The following SYK variants were observed in gnomAD, a reference collection of about 807,000 sequenced individuals.
SYK encodes spleen associated tyrosine kinase.
SYK carries 16 observed loss-of-function variants against 77.8 expected under a neutral mutation model. The observed-to-expected ratio is 0.21, with a 90% confidence interval of 0.14 to 0.31. The LOEUF (loss-of-function observed/expected upper bound fraction) is 0.31. SYK is among the 10% of genes least tolerant of loss of function. SYK has a pLI of 1.00. For missense variants in SYK, 529 were observed against 814.4 expected (o/e 0.65, Z 4.26); for synonymous variants, 312 against 308.7 (o/e 1.01, Z -0.11).
At position 90,874,036 on chromosome 9, in the gene SYK, C is replaced by T. The variant is rs145334158; in HGVS notation, c.916-168C>T. Among the ~76,000 whole-genome samples, 446 of 152,188 alleles carry T rather than the reference C, an allele frequency of 2.9e-3. 6 individuals carry two copies. The highest frequency in any genetic ancestry group is 0.01 in the African/African-American group (430 of 41,502). Reference sequence around the variant, plus strand: ...CCCTTGCAAGATCCAAATAATTGCCCGAAGAATGAGATCAGCCTTATTTTC... The same window carrying T: ...CCCTTGCAAGATCCAAATAATTGCCTGAAGAATGAGATCAGCCTTATTTTC... On this transcript the variant is annotated intron_variant, in intron 7 of 13. Coordinates refer to ENST00000375754, the MANE Select transcript of SYK (RefSeq NM_003177.7).
chr9:90,841,039 AGTGT>A (rs897987636), intron 1 of SYK, among the ~76,000 whole-genome samples: 6 of 151,552 alleles, frequency 4.0e-5, no homozygotes, highest in African/African-American at 1.2e-4. Context: ...TTGTGTGTGT[AGTGT>A]GTATGTAGTG....
intron 13 of SYK, among the ~76,000 whole-genome samples, chr9:90,891,372 C>A (rs560761336): frequency 6.6e-6 from 1 of 152,006 alleles, no homozygotes; most frequent in Non-Finnish European, 1.5e-5. Flanking sequence ...TGGTCTCGAT[C>A]TCCTGACCTC....
At chr9:90,847,738 G>C (rs1826652326) in intron 3 of SYK, among the ~76,000 whole-genome samples, 1 of 152,208 alleles carries the variant, frequency 6.6e-6, no homozygotes, top group Non-Finnish European at 1.5e-5. Flanking sequence ...ACTTTCCCCA[G>C]GCTCTGCTCC....
chr9:90,885,740 C>T (rs1828546823), intron 11 of SYK, among the ~76,000 whole-genome samples: 2 of 152,150 alleles, frequency 1.3e-5, no homozygotes, highest in South Asian at 4.1e-4. Context: ...TATAATCAAA[C>T]CACTTAAAGT....
intron 13 of SYK, among the ~76,000 whole-genome samples, chr9:90,892,429 C>T (rs948622579): frequency 6.6e-6 from 1 of 152,202 alleles, no homozygotes; most frequent in African/African-American, 2.4e-5. Flanking sequence ...AGAGACAGGT[C>T]AGTTAGTCCT....
intron 2 of SYK, among the ~76,000 whole-genome samples, chr9:90,845,232 G>A (rs978621196): frequency 1.3e-5 from 2 of 152,138 alleles, no homozygotes; most frequent in African/African-American, 2.4e-5. Context: ...CACCGTGCCC[G>A]GCCATGTTAT....
At position 90,843,872 on chromosome 9, in the gene SYK, A is replaced by G; in HGVS notation, c.-27A>G. The G allele has an allele frequency of 6.8e-7, 1 of 1,477,814 alleles. No homozygotes were observed. The highest frequency in any genetic ancestry group is 2.4e-5 in the Admixed American group (1 of 41,544). 91.5% of individuals were successfully genotyped at this position (1,477,814 alleles called of 1,614,324 possible). A position where few individuals can be genotyped will look rare whatever the true frequency, so the allele number is the denominator to read the frequency against. ...GTCTTGCCCAGGTGGACACCTGCGC[A>G]GGTGTGTGCCCTCCGGCCCCTGAAG... On this transcript the variant is annotated 5_prime_UTR_variant, in exon 2 of 14. Coordinates refer to ENST00000375754, the MANE Select transcript of SYK (RefSeq NM_003177.7).
At position 90,897,310 on chromosome 9, in the gene SYK, G is replaced by T. The variant is rs1313146713; in HGVS notation, c.*1710G>T. 2 of 230,316 alleles carry T rather than the reference G, an allele frequency of 8.7e-6. No homozygotes were observed. The highest frequency in any genetic ancestry group is 4.4e-5 in the African/African-American group (2 of 45,206). The allele number at this position is 230,316 out of a possible 1,614,324, so 14.3% of individuals were successfully genotyped here. On this transcript the variant is annotated 3_prime_UTR_variant, in exon 14 of 14. Transcript: ENST00000375754. ...CTTTCTGAAATCACACTATCTGGTG[G>T]TTTAATCATATTTTTAAAGACAGAA... is the stretch of plus-strand genomic sequence containing the variant.
intron 1 of SYK, among the ~76,000 whole-genome samples, chr9:90,826,626 G>C (rs1337446205): frequency 6.6e-6 from 1 of 152,226 alleles, no homozygotes; most frequent in East Asian, 1.9e-4. Flanking sequence ...CAGCTCTGGA[G>C]AGGGTTCCTT....
intron 1 of SYK, among the ~76,000 whole-genome samples, chr9:90,832,732 G>A (rs574115202): frequency 6.6e-5 from 10 of 152,116 alleles, no homozygotes; most frequent in African/African-American, 2.2e-4. Flanking sequence ...TGCTTCTCTC[G>A]CCCAACTCCA....
At chr9:90,810,495 T>C (rs915838746) in intron 1 of SYK, among the ~76,000 whole-genome samples, 1 of 83,618 alleles carries the variant, frequency 1.2e-5, no homozygotes, top group Non-Finnish European at 2.7e-5. Flanking sequence ...ACATTTGAAC[T>C]TGGGGGGACA....
intron 1 of SYK, among the ~76,000 whole-genome samples, chr9:90,833,809 G>T (rs1825977752): frequency 6.6e-6 from 1 of 152,210 alleles, no homozygotes; most frequent in South Asian, 2.1e-4. Flanking sequence ...AGGGGAAATG[G>T]ACTATGGAAG....
chr9:90,854,862 TGTACTAGCCAA>T (rs1421291725), intron 3 of SYK, among the ~76,000 whole-genome samples: 1 of 152,100 alleles, frequency 6.6e-6, no homozygotes, highest in African/African-American at 2.4e-5. Flanking sequence ...TCATCCCTTT[TGTACTAGCCAA>T]GTTCCAGGTG....
intron 2 of SYK, 76 bp downstream of exon 2, chr9:90,844,391 C>T (rs1175975790): frequency 1.4e-6 from 2 of 1,421,710 alleles, no homozygotes; most frequent in Non-Finnish European, 1.9e-6. Flanking sequence ...CTACATGCAA[C>T]ACATGTGCCT....
intron 1 of SYK, among the ~76,000 whole-genome samples, chr9:90,802,617 T>C (rs962125700): frequency 2.0e-5 from 3 of 152,096 alleles, no homozygotes; most frequent in African/African-American, 7.2e-5. Flanking sequence ...TCCAAAACCT[T>C]AAGCCCACCT....
intron 11 of SYK, among the ~76,000 whole-genome samples, chr9:90,880,683 T>A (rs1287082774): frequency 6.6e-6 from 1 of 152,216 alleles, no homozygotes; most frequent in Non-Finnish European, 1.5e-5. Context: ...CCAAACTTAC[T>A]GCCAAAAACA....
At chr9:90,812,941 T>G (rs972532198) in intron 1 of SYK, among the ~76,000 whole-genome samples, 1 of 152,196 alleles carries the variant, frequency 6.6e-6, no homozygotes, top group Non-Finnish European at 1.5e-5. Flanking sequence ...CTGTAAGACT[T>G]GCAGGAGGTG....
At chr9:90,850,934 G>A (rs1826796929) in intron 3 of SYK, among the ~76,000 whole-genome samples, 1 of 152,166 alleles carries the variant, frequency 6.6e-6, no homozygotes, top group Admixed American at 6.5e-5. Context: ...TGCAGATGAT[G>A]GAAGCAGATT....
chr9:90,878,704 T>A, intron 10 of SYK, 60 bp from the exon 11 acceptor site: 1 of 1,437,366 alleles, frequency 7.0e-7, no homozygotes, highest in Non-Finnish European at 9.7e-7. Context: ...AGGAGCATGG[T>A]TGTTTGTTGT....
Sources: allele counts gnomAD v4.1 joint callset (sites outside exome capture counted in the v4.1 genomes callset), GRCh38; gene constraint gnomAD v4.1.1; transcripts MANE v1.5; gene names NCBI Gene and HGNC (gene_info 2026-07-23, HGNC 2026-07-21).